Variants in MACROD2 observed in about 807,000 individuals in gnomAD.
The protein encoded by MACROD2 is mono-ADP ribosylhydrolase 2.
MACROD2 carries 36 observed loss-of-function variants against 70.4 expected under a neutral mutation model. The ratio of observed to expected loss-of-function variants is 0.51; its 90% confidence interval spans 0.39 to 0.68. The LOEUF is 0.68. MACROD2 is among the 30% of genes least tolerant of loss of function. The probability of loss-of-function intolerance (pLI) is 0.00; values close to 1 mark genes in which losing one functional copy is unlikely to be tolerated. For missense variants in MACROD2, 496 were observed against 538.4 expected, an observed-to-expected ratio of 0.92 and a Z score of 0.78; for synonymous variants, 172 against 178.8, an observed-to-expected ratio of 0.96 and a Z score of 0.30.
At chr20:14,071,267 T>TTTG (rs2053836675) in intron 2 of MACROD2, among the ~76,000 whole-genome samples, 1 of 132,850 alleles carries the variant, frequency 7.5e-6, no homozygotes, top group Non-Finnish European at 1.6e-5. Context: ...TTTTTTTTTT[T>TTTG]TTTTTTTTTT....
chr20:14,194,521 A>G (rs1324878023), intron 3 of MACROD2, among the ~76,000 whole-genome samples: 4 of 152,192 alleles, frequency 2.6e-5, no homozygotes, highest in South Asian at 2.1e-4. Flanking sequence ...CGAGGGGTCA[A>G]AAACAACCCA....
chr20:15,967,450 A>C (rs1391200478), intron 12 of MACROD2, 103 bp from the exon 13 acceptor site: 2 of 968,644 alleles, frequency 2.1e-6, no homozygotes, highest in African/African-American at 1.7e-5. Context: ...AAAACGAATA[A>C]ATTCTATTTT....
At chr20:15,261,251 C>G (rs1004382795) in intron 6 of MACROD2, among the ~76,000 whole-genome samples, 1 of 151,862 alleles carries the variant, frequency 6.6e-6, no homozygotes, top group Admixed American at 6.6e-5. Context: ...CAGTTTGGTG[C>G]CCACGTCAAA....
At chr20:15,477,741 C>A (rs536813202) in intron 7 of MACROD2, among the ~76,000 whole-genome samples, 15 of 152,246 alleles carry the variant, frequency 9.9e-5, no homozygotes, top group African/African-American at 3.6e-4. Flanking sequence ...CCTTGCATGG[C>A]AAAAGAGACT....
chr20:14,447,782 C>T (rs1481453876), intron 3 of MACROD2, among the ~76,000 whole-genome samples: 1 of 151,870 alleles, frequency 6.6e-6, no homozygotes, highest in African/African-American at 2.4e-5. Context: ...CACCACTGTC[C>T]AAAGTAATTT....
chr20:14,026,241 C>G (rs1262445654), intron 2 of MACROD2, among the ~76,000 whole-genome samples: 1 of 152,184 alleles, frequency 6.6e-6, no homozygotes, highest in African/African-American at 2.4e-5. Flanking sequence ...TGTGTCTTTG[C>G]ATGTGAGATG....
At chr20:14,478,566 A>G (rs1414082029) in intron 3 of MACROD2, among the ~76,000 whole-genome samples, 1 of 152,050 alleles carries the variant, frequency 6.6e-6, no homozygotes, top group African/African-American at 2.4e-5. Context: ...CACTTCATGA[A>G]TCTGTTGGTC....
intron 5 of MACROD2, among the ~76,000 whole-genome samples, chr20:14,688,675 A>G (rs1004919760): frequency 4.6e-5 from 7 of 152,166 alleles, no homozygotes; most frequent in Admixed American, 3.3e-4. Flanking sequence ...TCATAATGCA[A>G]TTTAAATTTT....
chr20:14,451,231 C>T (rs142189070), intron 3 of MACROD2, among the ~76,000 whole-genome samples: 2 of 152,122 alleles, frequency 1.3e-5, no homozygotes, highest in East Asian at 3.9e-4. Context: ...CATCTGAGGT[C>T]AGGAGTTTGA....
intron 3 of MACROD2, among the ~76,000 whole-genome samples, chr20:14,242,425 C>T (rs2081937348): frequency 6.6e-6 from 1 of 152,076 alleles, no homozygotes; most frequent in Non-Finnish European, 1.5e-5. Flanking sequence ...AATGATCTTT[C>T]CACATAGAAT....
chr20:14,728,378 G>A (rs1229350565), intron 5 of MACROD2, among the ~76,000 whole-genome samples: 2 of 152,058 alleles, frequency 1.3e-5, no homozygotes, highest in East Asian at 1.9e-4. Context: ...CTTCCTATTT[G>A]AATTATTATT....
chr20:14,837,861 T>A (rs891964734), intron 5 of MACROD2, among the ~76,000 whole-genome samples: 1 of 151,594 alleles, frequency 6.6e-6, no homozygotes, highest in African/African-American at 2.4e-5. Flanking sequence ...CTCCACAGGG[T>A]GGGGTTAGAT....
chr20:14,992,814 A>T (rs1055852520), intron 5 of MACROD2, among the ~76,000 whole-genome samples: 7 of 150,594 alleles, frequency 4.6e-5, no homozygotes, highest in Admixed American at 4.6e-4. Context: ...TAAAAATCAG[A>T]TTTGAAAAGC....
intron 3 of MACROD2, among the ~76,000 whole-genome samples, chr20:14,485,950 C>A (rs183645636): frequency 4.6e-5 from 7 of 152,018 alleles, no homozygotes; most frequent in Admixed American, 2.6e-4. Context: ...TCCTTATGAC[C>A]ATCTGCACTA....
chr20:14,315,861 A>G (rs1035217943), intron 3 of MACROD2, among the ~76,000 whole-genome samples: 1 of 152,248 alleles, frequency 6.6e-6, no homozygotes, highest in African/African-American at 2.4e-5. Context: ...TATATTGGCT[A>G]AAAGCATGGA....
At chr20:14,457,945 C>CA (rs1266301727) in intron 3 of MACROD2, among the ~76,000 whole-genome samples, 1 of 151,764 alleles carries the variant, frequency 6.6e-6, no homozygotes, top group Non-Finnish European at 1.5e-5. Context: ...ACTAAAAATA[C>CA]AAAAAATTTG....
At chr20:14,084,396 C>T (rs76654643) in intron 2 of MACROD2, among the ~76,000 whole-genome samples, 4,059 of 152,088 alleles carry the variant, frequency 0.027, 53 homozygotes, top group Non-Finnish European at 0.032. Flanking sequence ...ATAACAGTAT[C>T]TCCTTGTATG....
chr20:14,431,850 A>G (rs754753614), intron 3 of MACROD2, among the ~76,000 whole-genome samples: 8 of 152,100 alleles, frequency 5.3e-5, no homozygotes, highest in Non-Finnish European at 1.0e-4. Flanking sequence ...AGTTTCCCAT[A>G]TGCCAGGCTT....
chr20:14,359,783 G>A (rs990923086), intron 3 of MACROD2, among the ~76,000 whole-genome samples: 2 of 152,122 alleles, frequency 1.3e-5, no homozygotes, highest in Non-Finnish European at 2.9e-5. Context: ...GATCACTTGA[G>A]CCTGGGAGGT....
Sources: allele counts gnomAD v4.1 joint callset (sites outside exome capture counted in the v4.1 genomes callset), GRCh38; gene constraint gnomAD v4.1.1; transcripts MANE v1.5; gene names NCBI Gene and HGNC (gene_info 2026-07-23, HGNC 2026-07-21).